PCDHGB2: variants seen among roughly 807,000 people sequenced by gnomAD.
PCDHGB2 encodes the protein protocadherin gamma subfamily B, 2.
In PCDHGB2, 55 loss-of-function variants were observed where a neutral mutation model predicts 59.3. The observed-to-expected ratio is 0.93, with a 90% CI of 0.75 to 1.16. The LOEUF (loss-of-function observed/expected upper bound fraction) is 1.16. Ranked by LOEUF, PCDHGB2 falls within the 50% of genes most tolerant of loss-of-function variation. PCDHGB2 has a pLI of 0.00. For synonymous variants in PCDHGB2, 516 were observed against 512.0 expected, an observed-to-expected ratio of 1.01 and a Z score of -0.11; for missense variants, 1,228 against 1,198.5, an observed-to-expected ratio of 1.02 and a Z score of -0.36.
At chr5:141,408,566 G>A (rs779048929) in intron 1 of PCDHGB2, 2 of 1,613,912 alleles carry the variant, frequency 1.2e-6, no homozygotes, top group East Asian at 4.5e-5. Flanking sequence ...TGTCATTGTG[G>A]TGATTGAGGA....
intron 1 of PCDHGB2, chr5:141,414,763 C>A: frequency 6.2e-7 from 1 of 1,614,258 alleles, no homozygotes; most frequent in Non-Finnish European, 8.5e-7. Flanking sequence ...TGAGCAGTTT[C>A]ATGAGCTACA....
rs900469098 is a variant in PCDHGB2 at position 141,362,229 on chromosome 5, G to A, written c.2094G>A (p.Leu698=). 1.4e-5 allele frequency: 22 copies of A among 1,613,912 alleles called. No individual in the cohort carries two copies. The highest frequency in any genetic ancestry group is 1.9e-5 in the Non-Finnish European group (22 of 1,179,910). Residue 698 remains leucine (L), a synonymous_variant, in exon 1 of 4, where the codon TTG becomes TTA. Transcript: ENST00000522605. ...TTTACCTGGTTGTGGCCTTGGCCTTGATCTCAGTGCTCTTCTTCCTCGCGG... is the reference window on the plus strand; with the variant it reads ...TTTACCTGGTTGTGGCCTTGGCCTTAATCTCAGTGCTCTTCTTCCTCGCGG... ...LQFYLVVALA[L]ISVLFFLAVI...
In PCDHGB2 at chr5:141,443,329, A is replaced by AC. The variant is rs58846402; in HGVS notation, c.2422-51477dup. 1.9e-4 allele frequency among the ~76,000 whole-genome samples: 29 copies of AC among 151,590 alleles called. No individual in the cohort carries two copies. In the East Asian group the frequency reaches 4.3e-3, roughly 22 times the overall value. ...AAACCCATCTCTACAAAAAAAAAAA[A>AC]CAAAAATTAACAAGGTTTAGTGGTC... On this transcript the variant is annotated intron_variant, in intron 1 of 3. Coordinates refer to ENST00000522605, the MANE Select transcript of PCDHGB2 (RefSeq NM_018923.3).
At chr5:141,364,137 G>T in intron 1 of PCDHGB2, 1 of 496,716 alleles carries the variant, frequency 2.0e-6, no homozygotes, top group Non-Finnish European at 3.4e-6. Flanking sequence ...GTTGACCAAA[G>T]TGGGAAAGAA....
At position 141,428,400 on chromosome 5, in the gene PCDHGB2, G is replaced by T. The variant is rs373595231; in HGVS notation, c.2421+65844G>T. 3 of 483,290 alleles carry T rather than the reference G, an allele frequency of 6.2e-6. No individual in the cohort carries two copies. The East Asian group carries it at 1.2e-4, about 20-fold the overall frequency. 29.9% of individuals were successfully genotyped at this position (483,290 alleles called of 1,614,324 possible). ...GATGCTCTTCCAGCCCCTCTGCCTGGGGTTGCTTTCACCCTGGTCTCTGTT... is the reference window on the plus strand; with the variant it reads ...GATGCTCTTCCAGCCCCTCTGCCTGTGGTTGCTTTCACCCTGGTCTCTGTT... On this transcript the variant is annotated intron_variant, in intron 1 of 3. Coordinates refer to ENST00000522605, the MANE Select transcript of PCDHGB2 (RefSeq NM_018923.3).
In PCDHGB2 at chr5:141,399,312, A is replaced by C. The variant is rs142753281; in HGVS notation, c.2421+36756A>C. 774 of 1,613,972 alleles carry C rather than the reference A, an allele frequency of 4.8e-4. 4 individuals carry two copies. The African/African-American group carries it at 8.9e-3, about 19-fold the overall frequency. ...CTTTTAAGATTATCTCTTCATCCAAAAATTCGTATAAGTTGGTAACAGATG... is the reference window on the plus strand; with the variant it reads ...CTTTTAAGATTATCTCTTCATCCAACAATTCGTATAAGTTGGTAACAGATG... On this transcript the variant is annotated intron_variant, in intron 1 of 3. Transcript: ENST00000522605.
chr5:141,417,919 G>C, intron 1 of PCDHGB2: 1 of 1,605,944 alleles, frequency 6.2e-7, no homozygotes, highest in Non-Finnish European at 8.5e-7. Flanking sequence ...TATTTCCTTT[G>C]CTGCTGCCTT....
intron 1 of PCDHGB2, among the ~76,000 whole-genome samples, chr5:141,458,079 C>G (rs1016889225): frequency 6.6e-6 from 1 of 152,186 alleles, no homozygotes; most frequent in Non-Finnish European, 1.5e-5. Context: ...AACTATATTG[C>G]CGTAAGTTAA....
Position 141,362,245 on chromosome 5 carries a change from T to C in PCDHGB2, c.2110T>C (p.Phe704Leu), listed in dbSNP as rs767098802. The change falls in exon 1 of 4, where the codon TTC (phenylalanine) becomes CTC (leucine). Residue 704 changes from phenylalanine to leucine, a missense_variant. Physicochemically the swap from Phe to Leu is conservative, Grantham distance 22. Coordinates refer to ENST00000522605, the MANE Select transcript of PCDHGB2 (RefSeq NM_018923.3). Reference protein sequence around the residue: ...VALALISVLFFLAVILAISLR... With the variant: ...VALALISVLFLLAVILAISLR... ...CTTGGCCTTGATCTCAGTGCTCTTC[T>C]TCCTCGCGGTGATTCTGGCAATCTC... 6.8e-6 allele frequency: 11 copies of C among 1,613,926 alleles called. No individual in the cohort carries two copies. The African/African-American group carries it at 1.2e-4, about 18-fold the overall frequency.
chr5:141,394,966 G>T (rs758463890), intron 1 of PCDHGB2: 3 of 1,613,886 alleles, frequency 1.9e-6, no homozygotes, highest in Middle Eastern at 1.6e-4. Flanking sequence ...AGGCTGAGGC[G>T]CTGGCACAAG....
At chr5:141,389,236 C>G (rs1360916753) in intron 1 of PCDHGB2, 1 of 1,614,054 alleles carries the variant, frequency 6.2e-7, no homozygotes, top group Non-Finnish European at 8.5e-7. Context: ...CCGGTTTTCT[C>G]ACAGTCTTCC....
intron 1 of PCDHGB2, among the ~76,000 whole-genome samples, chr5:141,492,409 C>A (rs1367119266): frequency 6.6e-6 from 1 of 152,230 alleles, no homozygotes; most frequent in Non-Finnish European, 1.5e-5. Flanking sequence ...TCCCCTCTGC[C>A]GCTCCCTCCG....
At position 141,393,312 on chromosome 5, in the gene PCDHGB2, C is replaced by T. The variant is rs1308410982; in HGVS notation, c.2421+30756C>T. 8 of 1,613,494 alleles carry T rather than the reference C, an allele frequency of 5.0e-6. No homozygotes were observed. The East Asian group carries it at 8.9e-5, about 18-fold the overall frequency. On this transcript the variant is annotated intron_variant, in intron 1 of 3. Coordinates refer to ENST00000522605, the MANE Select transcript of PCDHGB2 (RefSeq NM_018923.3). ...TGACCCGGATGTGGGCGTGAACTCC[C>T]TCCAGAGCTACCAGCTCAGCCCCAA... is the stretch of plus-strand genomic sequence containing the variant.
chr5:141,421,562 A>G (rs1326874908), intron 1 of PCDHGB2: 1 of 1,613,992 alleles, frequency 6.2e-7, no homozygotes, highest in South Asian at 1.1e-5. Context: ...CTTCTCGTGG[A>G]AGACACCTTG....
chr5:141,506,516 G>A (rs2099854579), intron 3 of PCDHGB2, among the ~76,000 whole-genome samples: 1 of 151,324 alleles, frequency 6.6e-6, no homozygotes, highest in Non-Finnish European at 1.5e-5. Flanking sequence ...CTGGCACCTG[G>A]CACCACCACT....
rs201538255 is a variant in PCDHGB2 at position 141,476,796 on chromosome 5, G to A, written c.2422-18011G>A. 10 of 1,613,584 alleles carry A rather than the reference G, an allele frequency of 6.2e-6. No individual in the cohort carries two copies. In the East Asian group the frequency reaches 2.2e-4, roughly 36 times the overall value. On this transcript the variant is annotated intron_variant, in intron 1 of 3. Transcript: ENST00000522605. This position sits in a 1 kb window ranked among gnomAD's most constrained non-coding sequence, Gnocchi z 7.6. Reference sequence around the variant, plus strand: ...GGAGGGACCCCAGCTCTCTCCGCCAGCCTGCCTATTCACATCAAGGTGCTG... The same window carrying A: ...GGAGGGACCCCAGCTCTCTCCGCCAACCTGCCTATTCACATCAAGGTGCTG...
At chr5:141,395,478 T>G in intron 1 of PCDHGB2, 1 of 546,140 alleles carries the variant, frequency 1.8e-6, no homozygotes, top group Non-Finnish European at 3.1e-6. Context: ...CAGTATTTTA[T>G]TCCTATTATC....
intron 1 of PCDHGB2, chr5:141,410,048 C>T (rs1471679304): frequency 4.3e-6 from 7 of 1,613,042 alleles, no homozygotes; most frequent in Non-Finnish European, 4.2e-6. Flanking sequence ...TGAGCCCGGA[C>T]TCTTCAGCCT....
In PCDHGB2 at chr5:141,387,872, G is replaced by T. The variant is rs1436610477; in HGVS notation, c.2421+25316G>T. ...TCTCCAGGCTGGTGAGCAAGCTGAG[G>T]AGAGCAAGAGGGATGGGGAGCGGCG... is the stretch of plus-strand genomic sequence containing the variant. On this transcript the variant is annotated intron_variant, in intron 1 of 3. Coordinates refer to ENST00000522605, the MANE Select transcript of PCDHGB2 (RefSeq NM_018923.3). The T allele has an allele frequency of 1.8e-5, 28 of 1,588,586 alleles. No homozygotes were observed. In the Admixed American group the frequency reaches 4.7e-4, roughly 26 times the overall value.
Sources: gnomAD v4.1 joint callset for allele counts (sites outside exome capture counted in the v4.1 genomes callset) on GRCh38, gnomAD v4.1.1 for gene constraint, Gnocchi (gnomAD v3.1) non-coding constraint, MANE v1.5 for transcripts, NCBI Gene and HGNC (gene_info 2026-07-23, HGNC 2026-07-21) for gene names.